Variants in SPINDOC observed in about 807,000 individuals in gnomAD.
The protein encoded by SPINDOC is spindlin interactor and repressor of chromatin-binding protein.
A neutral mutation model predicts 30.7 loss-of-function variants in SPINDOC; 13 were observed. That is an observed-to-expected ratio of 0.42 (90% CI 0.28 to 0.67). The LOEUF (loss-of-function observed/expected upper bound fraction) is 0.67. Ranked by LOEUF, SPINDOC falls within the 30% of genes least tolerant of loss-of-function variation. The pLI is 0.22. For missense variants in SPINDOC, 438 were observed against 518.0 expected, an observed-to-expected ratio of 0.85 and a Z score of 1.50; for synonymous variants, 228 against 211.4, an observed-to-expected ratio of 1.08 and a Z score of -0.68.
At chr11:63,821,197 C>T (rs623444) in intron 5 of SPINDOC, among the ~76,000 whole-genome samples, 53,137 of 151,988 alleles carry the variant, frequency 0.35, 11,054 homozygotes, top group South Asian at 0.61. Flanking sequence ...CTTGACTTGC[C>T]CAGCTCCTAG....
chr11:63,821,597 C>T (rs1392798068), intron 5 of SPINDOC, among the ~76,000 whole-genome samples: 3 of 152,154 alleles, frequency 2.0e-5, no homozygotes, highest in Admixed American at 1.3e-4. Flanking sequence ...AGTTTACAGG[C>T]GCTCAGGAAA....
Position 63,817,816 on chromosome 11 carries a change from G to A in SPINDOC, c.139G>A (p.Glu47Lys). The A allele has an allele frequency of 6.3e-7, 1 of 1,587,082 alleles. No homozygotes were observed. The highest frequency in any genetic ancestry group is 8.6e-7 in the Non-Finnish European group (1 of 1,166,526). Residue 47 changes from glutamate (E) to lysine (K), a missense_variant, in exon 2 of 6, where the codon GAG (glutamate) becomes AAG (lysine). Physicochemically the swap from Glu to Lys is moderately conservative, Grantham distance 56. Transcript: ENST00000294244. ...CTCTCCCCTCGCAGTGACCCAACAG[G>A]AGAAGACCCCACCGCCTAGACCCAG... ...PEPMLRVTQQ[E>K]KTPPPRPSPL...
intron 5 of SPINDOC, 34 bp downstream of exon 5, chr11:63,819,036 C>T (rs753306617): frequency 6.8e-7 from 1 of 1,467,510 alleles, no homozygotes; most frequent in Non-Finnish European, 9.2e-7. Flanking sequence ...ACAGTAGGGA[C>T]CTCGCAGGCA....
chr11:63,818,326 A>C lies in SPINDOC; in HGVS notation c.568A>C (p.Arg190=). 1 of 1,613,934 alleles carries C rather than the reference A, an allele frequency of 6.2e-7. No individual in the cohort carries two copies. Among genetic ancestry groups the C allele is most frequent in the East Asian group, 2.2e-5 (1 of 44,850 alleles). Reference sequence around the variant, plus strand: ...TGAGGATAACCCATCCCTCCCTAAAAGGAGCCGGCCCAGGGGACTCCGCCC... The same window carrying C: ...TGAGGATAACCCATCCCTCCCTAAACGGAGCCGGCCCAGGGGACTCCGCCC... ...DSEDNPSLPK[R]SRPRGLRPLE... is the part of the protein sequence containing the mutation. The change falls in exon 3 of 6, where the codon AGG becomes CGG. Residue 190 remains arginine, a synonymous_variant. Coordinates refer to ENST00000294244, the MANE Select transcript of SPINDOC (RefSeq NM_138471.3). The surrounding 1 kb of genome is among the most constrained non-coding windows in gnomAD (Gnocchi z 5.3).
intron 5 of SPINDOC, among the ~76,000 whole-genome samples, chr11:63,819,621 TGAGTA>T (rs1307058100): frequency 6.7e-6 from 1 of 149,696 alleles, no homozygotes; most frequent in Non-Finnish European, 1.5e-5. Context: ...CTCACCCTCC[TGAGTA>T]GCTGGGATTA....
At chr11:63,824,543 C>G (rs1368194660) in intron 5 of SPINDOC, among the ~76,000 whole-genome samples, 4 of 152,050 alleles carry the variant, frequency 2.6e-5, no homozygotes, top group East Asian at 3.8e-4. Flanking sequence ...CTTAAGTATC[C>G]GCAGCCGTGG....
rs553093870 is a variant in SPINDOC at position 63,823,069 on chromosome 11, C to G, written c.935-3859C>G. ...CACAAGTGTTCCTGGAGCCTGTGCC[C>G]GAGGGAGGCACCCTGGGAGATGGCA... On this transcript the variant is annotated intron_variant, in intron 5 of 5. Transcript: ENST00000294244. 6.1e-5 allele frequency: 72 copies of G among 1,189,320 alleles called. No individual in the cohort carries two copies. In the East Asian group the frequency reaches 3.0e-3, roughly 49 times the overall value. The allele number at this position is 1,189,320 out of a possible 1,614,324, so 73.7% of individuals were successfully genotyped here. A position where few individuals can be genotyped will look rare whatever the true frequency, so the allele number is the denominator to read the frequency against.
intron 5 of SPINDOC, chr11:63,823,398 A>G (rs1425602939): frequency 2.0e-5 from 23 of 1,147,106 alleles, no homozygotes; most frequent in Non-Finnish European, 2.5e-5. Flanking sequence ...CGTGGATTTA[A>G]CAGTTGGAAA....
chr11:63,819,034 G>C (rs2015435332), intron 5 of SPINDOC, 32 bp downstream of exon 5: 1 of 1,493,070 alleles, frequency 6.7e-7, no homozygotes, highest in South Asian at 1.1e-5. Flanking sequence ...GCACAGTAGG[G>C]ACCTCGCAGG....
intron 5 of SPINDOC, chr11:63,822,779 C>T: frequency 7.8e-7 from 1 of 1,289,116 alleles, no homozygotes; most frequent in Non-Finnish European, 1.0e-6. Flanking sequence ...CTTCTGATTT[C>T]ATTCTCGAAA....
chr11:63,814,414 G>A (rs1244796835), intron 1 of SPINDOC, among the ~76,000 whole-genome samples: 1 of 152,198 alleles, frequency 6.6e-6, no homozygotes, highest in Non-Finnish European at 1.5e-5. Flanking sequence ...GCATACAACA[G>A]CTAGTTTGGA....
intron 1 of SPINDOC, among the ~76,000 whole-genome samples, chr11:63,817,215 G>A (rs983703037): frequency 4.0e-5 from 6 of 150,518 alleles, no homozygotes; most frequent in African/African-American, 1.2e-4. Context: ...GCATGGTGGC[G>A]CTCACCTGTA....
chr11:63,822,263 G>A (rs1028025079), intron 5 of SPINDOC, among the ~76,000 whole-genome samples: 1 of 147,998 alleles, frequency 6.8e-6, no homozygotes, highest in African/African-American at 2.5e-5. Flanking sequence ...AGGATCACTT[G>A]AGCCCAAGAA....
At chr11:63,820,089 T>G (rs2015468006) in intron 5 of SPINDOC, among the ~76,000 whole-genome samples, 1 of 151,848 alleles carries the variant, frequency 6.6e-6, no homozygotes, top group South Asian at 2.1e-4. Context: ...TTTGGGCTCC[T>G]ACTGAGTTTA....
In SPINDOC at chr11:63,813,557, G is replaced by C. The variant is rs1057322199; in HGVS notation, c.-130G>C. ...GCCGGCGAGCGGCGGGCGGGCGGCG[G>C]GGAGGGGGCTGCGCGGGGCGGGCGG... is the stretch of plus-strand genomic sequence containing the variant. On this transcript the variant is annotated 5_prime_UTR_variant, in exon 1 of 6. Coordinates refer to ENST00000294244, the MANE Select transcript of SPINDOC (RefSeq NM_138471.3). 1.3e-6 allele frequency: 1 copy of C among 763,282 alleles called. No homozygotes were observed. The highest frequency in any genetic ancestry group is 1.6e-6 in the Non-Finnish European group (1 of 626,402). 47.3% of individuals were successfully genotyped at this position (763,282 alleles called of 1,614,324 possible).
chr11:63,817,658 A>T, intron 1 of SPINDOC, 147 bp from the exon 2 acceptor site: 6 of 732,288 alleles, frequency 8.2e-6, no homozygotes, highest in Non-Finnish European at 1.3e-5. Context: ...CGTGTGCCTC[A>T]TGGGCTCCAG....
Position 63,818,117 on chromosome 11 carries a change from C to A in SPINDOC, c.440C>A (p.Pro147Gln), listed in dbSNP as rs927487963. The change falls in exon 2 of 6, where the codon CCG becomes CAG. Residue 147 changes from proline (P) to glutamine (Q), a missense_variant. Coordinates refer to ENST00000294244, the MANE Select transcript of SPINDOC (RefSeq NM_138471.3). This position sits in a 1 kb window ranked among gnomAD's most constrained non-coding sequence, Gnocchi z 5.3. The stretch of plus-strand genomic sequence containing the variant: ...TTGCAAGACGTGAGAGCTGAGCAGC[C>A]GTCCCCACCCAACTCAGGTAGTTGG... ...ALLQDVRAEQPSPPNSDSGQD... is the reference protein window; with the variant it reads ...ALLQDVRAEQQSPPNSDSGQD... The A allele has an allele frequency of 2.4e-5, 38 of 1,613,846 alleles. No individual in the cohort carries two copies. Among genetic ancestry groups the A allele is most frequent in the Non-Finnish European group, 3.0e-5 (35 of 1,179,932 alleles).
At chr11:63,819,147 ACGGGGC>A in intron 5 of SPINDOC, 145 bp downstream of exon 5, 1 of 702,324 alleles carries the variant, frequency 1.4e-6, no homozygotes, top group East Asian at 2.7e-5. Context: ...TTCCTGGTAC[ACGGGGC>A]CGGGGCAGGG....
chr11:63,814,977 T>C (rs554653218), intron 1 of SPINDOC, among the ~76,000 whole-genome samples: 1 of 149,458 alleles, frequency 6.7e-6, no homozygotes, highest in East Asian at 1.9e-4. Context: ...TTAGGCTGTT[T>C]AGGCTAGTGT....
Sources: allele counts gnomAD v4.1 joint callset (sites outside exome capture counted in the v4.1 genomes callset), GRCh38; gene constraint gnomAD v4.1.1; non-coding constraint Gnocchi (gnomAD v3.1); transcripts MANE v1.5; gene names NCBI Gene and HGNC (gene_info 2026-07-23, HGNC 2026-07-21).